Variants in PLPPR2 observed in about 807,000 individuals in gnomAD.
The protein encoded by PLPPR2 is phospholipid phosphatase related 2.
PLPPR2 carries 11 observed loss-of-function variants against 40.3 expected under a neutral mutation model. The observed-to-expected ratio is 0.27, with a 90% CI of 0.17 to 0.45. The LOEUF (loss-of-function observed/expected upper bound fraction) is 0.45. Among genes scored for constraint, PLPPR2 ranks in the 20% least tolerant of loss-of-function variants. The pLI is 1.00. For missense variants in PLPPR2, 497 were observed against 640.7 expected, an observed-to-expected ratio of 0.78 and a Z score of 2.42; for synonymous variants, 260 against 290.8, an observed-to-expected ratio of 0.89 and a Z score of 1.08.
Position 11,361,254 on chromosome 19 carries a change from C to T in PLPPR2, c.429C>T (p.Phe143=). The T allele has an allele frequency of 2.5e-6, 4 of 1,612,818 alleles. No homozygotes were observed. Among genetic ancestry groups the T allele is most frequent in the Non-Finnish European group, 3.4e-6 (4 of 1,179,886 alleles). The change falls in exon 6 of 10, where the codon TTC becomes TTT. Residue 143 remains phenylalanine, a synonymous_variant. Transcript: ENST00000688289. The surrounding 1 kb of genome is among the most constrained non-coding windows in gnomAD (Gnocchi z 6.3). Reference sequence around the variant, plus strand: ...TCGGCCTCTTCACCACGACCATCTTCGCCAACGCGGGGCAGGTGGTGACCG... The same window carrying T: ...TCGGCCTCTTCACCACGACCATCTTTGCCAACGCGGGGCAGGTGGTGACCG... The part of the protein sequence containing the change: ...YSFGLFTTTI[F]ANAGQVVTGN...
Position 11,362,329 on chromosome 19 carries a change from C to CGGGGGGGGGG in PLPPR2, c.664-184_664-183insGGGGGGGGGG. 1 of 576,862 alleles carries CGGGGGGGGGG rather than the reference C, an allele frequency of 1.7e-6. No individual in the cohort carries two copies. 35.7% of individuals were successfully genotyped at this position (576,862 alleles called of 1,614,324 possible). ...AGACCTCAATCCCTGACCCCCCCCC[C>CGGGGGGGGGG]TTTGCCTTTTTGGTCACGCTCCCTG... On this transcript the variant is annotated intron_variant, in intron 6 of 9. Transcript: ENST00000688289. This position sits in a 1 kb window ranked among gnomAD's most constrained non-coding sequence, Gnocchi z 5.3.
Position 11,363,616 on chromosome 19 carries a change from A to T in PLPPR2, c.841-97A>T. On this transcript the variant is annotated intron_variant, in intron 7 of 9. Transcript: ENST00000688289. The surrounding 1 kb of genome is among the most constrained non-coding windows in gnomAD (Gnocchi z 4.8). ...TGCATTAGCTGTTTTTGAAAACCGG[A>T]GCCTCACTTTCCTTATCTGAAAAAT... 7.1e-7 allele frequency: 1 copy of T among 1,400,832 alleles called. No homozygotes were observed. The highest frequency in any genetic ancestry group is 1.5e-5 in the South Asian group (1 of 66,634). The allele number at this position is 1,400,832 out of a possible 1,614,324, so 86.8% of individuals were successfully genotyped here. A position where few individuals can be genotyped will look rare whatever the true frequency, so the allele number is the denominator to read the frequency against.
chr19:11,359,500 C>T lies in PLPPR2; in HGVS notation c.67-32C>T, dbSNP rs77405021. The T allele has an allele frequency of 2.4e-3, 3,584 of 1,510,318 alleles. 43 individuals carry two copies. In the Admixed American group the frequency reaches 0.03, roughly 13 times the overall value. The allele number at this position is 1,510,318 out of a possible 1,614,324, so 93.6% of individuals were successfully genotyped here. On this transcript the variant is annotated intron_variant, in intron 3 of 9. Coordinates refer to ENST00000688289, the MANE Select transcript of PLPPR2 (RefSeq NM_001393892.1). The surrounding 1 kb of genome is among the most constrained non-coding windows in gnomAD (Gnocchi z 5.6). Reference sequence around the variant, plus strand: ...AGTCCTGACCTCTCTCTTCTCTCTCCGCCACCTCTCCCCGCCCTGGCTTGG... The same window carrying T: ...AGTCCTGACCTCTCTCTTCTCTCTCTGCCACCTCTCCCCGCCCTGGCTTGG...
At position 11,363,632 on chromosome 19, in the gene PLPPR2, T is replaced by C; in HGVS notation, c.841-81T>C. On this transcript the variant is annotated intron_variant, in intron 7 of 9. Transcript: ENST00000688289. This position sits in a 1 kb window ranked among gnomAD's most constrained non-coding sequence, Gnocchi z 4.8. ...GAAAACCGGAGCCTCACTTTCCTTA[T>C]CTGAAAAATGGGGATGGTATTTACA... 2.0e-6 allele frequency: 3 copies of C among 1,473,540 alleles called. No individual in the cohort carries two copies. The highest frequency in any genetic ancestry group is 2.7e-6 in the Non-Finnish European group (3 of 1,102,424). The allele number at this position is 1,473,540 out of a possible 1,614,324, so 91.3% of individuals were successfully genotyped here.
Position 11,364,551 on chromosome 19 carries a change from G to T in PLPPR2, c.1220G>T (p.Gly407Val). Reference protein sequence around the residue: ...SSPGPGGPGGGGGRGRKLLLP... With the variant: ...SSPGPGGPGGVGGRGRKLLLP... ...CCTGGACCTGGGGGGCCAGGCGGGG[G>T]TGGTGGACGTGGCCGGAAGCTGCTG... is the stretch of plus-strand genomic sequence containing the variant. Residue 407 changes from glycine (G) to valine (V), a missense_variant, in exon 10 of 10, where the codon GGT becomes GTT. Transcript: ENST00000688289. The surrounding 1 kb of genome is among the most constrained non-coding windows in gnomAD (Gnocchi z 5.8). 2.0e-6 allele frequency: 3 copies of T among 1,536,702 alleles called. No individual in the cohort carries two copies. In the South Asian group the frequency reaches 3.6e-5, roughly 18 times the overall value.
At chr19:11,360,218 C>G (rs1421133732) in intron 5 of PLPPR2, among the ~76,000 whole-genome samples, 1 of 151,490 alleles carries the variant, frequency 6.6e-6, no homozygotes, top group South Asian at 2.1e-4. Context: ...AATCCTTGAA[C>G]CCGGGAGGCA....
chr19:11,361,843 C>T lies in PLPPR2; in HGVS notation c.663+355C>T, dbSNP rs912647783. 6.6e-6 allele frequency among the ~76,000 whole-genome samples: 1 copy of T among 152,176 alleles called. No homozygotes were observed. Among genetic ancestry groups the T allele is most frequent in the African/African-American group, 2.4e-5 (1 of 41,446 alleles). On this transcript the variant is annotated intron_variant, in intron 6 of 9. Coordinates refer to ENST00000688289, the MANE Select transcript of PLPPR2 (RefSeq NM_001393892.1). This position sits in a 1 kb window ranked among gnomAD's most constrained non-coding sequence, Gnocchi z 6.3. ...CCAGGCCCCCAGGATGCTACAGGCG[C>T]TAGATATTAGCTGGCAGACTGGGCA... is the stretch of plus-strand genomic sequence containing the variant.
In PLPPR2 at chr19:11,362,536, C is replaced by T. The variant is rs779236403; in HGVS notation, c.687C>T (p.Arg229=). 4.3e-6 allele frequency: 7 copies of T among 1,611,140 alleles called. No individual in the cohort carries two copies. The highest frequency in any genetic ancestry group is 3.3e-5 in the Admixed American group (2 of 60,030). Residue 229 remains arginine, a synonymous_variant, in exon 7 of 10, where the codon CGC becomes CGT. Coordinates refer to ENST00000688289, the MANE Select transcript of PLPPR2 (RefSeq NM_001393892.1). This position sits in a 1 kb window ranked among gnomAD's most constrained non-coding sequence, Gnocchi z 5.3. ...AGATGTACGTGACTCTCGTGTTCCG[C>T]GTGAAGGGCTCCCGCCTGGTCAAAC... ...YTAMYVTLVF[R]VKGSRLVKPS...
rs1184254457 is a variant in PLPPR2 at position 11,364,908 on chromosome 19, A to G, written c.*218A>G. The G allele has an allele frequency of 5.0e-6, 3 of 603,360 alleles. No homozygotes were observed. The highest frequency in any genetic ancestry group is 5.7e-6 in the Non-Finnish European group (2 of 349,676). 37.4% of individuals were successfully genotyped at this position (603,360 alleles called of 1,614,324 possible). ...TGGAAGGTGCGCACTTGCCCCTACT[A>G]TTGCCCTTTTAAGGGCCAAAGCTTG... On this transcript the variant is annotated 3_prime_UTR_variant, in exon 10 of 10. Transcript: ENST00000688289. The surrounding 1 kb of genome is among the most constrained non-coding windows in gnomAD (Gnocchi z 5.8).
At position 11,359,449 on chromosome 19, in the gene PLPPR2, A is replaced by T; in HGVS notation, c.67-83A>T. 7.7e-7 allele frequency: 1 copy of T among 1,295,302 alleles called. No individual in the cohort carries two copies. The highest frequency in any genetic ancestry group is 1.0e-6 in the Non-Finnish European group (1 of 964,338). The allele number at this position is 1,295,302 out of a possible 1,614,324, so 80.2% of individuals were successfully genotyped here. ...CTAACCCATGTTTCTCCATCTCTGT[A>T]TCTCTGCCTCTGTGGCCTCAGCTGG... is the stretch of plus-strand genomic sequence containing the variant. On this transcript the variant is annotated intron_variant, in intron 3 of 9. Transcript: ENST00000688289. The surrounding 1 kb of genome is among the most constrained non-coding windows in gnomAD (Gnocchi z 5.6).
Position 11,357,662 on chromosome 19 carries a change from C to A in PLPPR2, c.-12C>A. On this transcript the variant is annotated splice_region_variant and 5_prime_UTR_variant, in exon 3 of 10. It adds an upstream start codon to the 5' untranslated region. Coordinates refer to ENST00000688289, the MANE Select transcript of PLPPR2 (RefSeq NM_001393892.1). ...CCACTCCCTCCCCACCTCTGCAGGC[C>A]TGGCCTTCACCATGGCGGGAGGGAG... 6.2e-7 allele frequency: 1 copy of A among 1,603,650 alleles called. No homozygotes were observed. Among genetic ancestry groups the A allele is most frequent in the Non-Finnish European group, 8.5e-7 (1 of 1,174,668 alleles).
intron 1 of PLPPR2, among the ~76,000 whole-genome samples, 167 bp downstream of exon 1, chr19:11,355,739 C>G (rs1967848126): frequency 1.3e-5 from 2 of 152,098 alleles, no homozygotes; most frequent in Non-Finnish European, 1.5e-5. Flanking sequence ...GGAGGGGACC[C>G]CGGGCCGAGG....
intron 3 of PLPPR2, among the ~76,000 whole-genome samples, chr19:11,358,639 C>T (rs971193918): frequency 1.3e-4 from 20 of 151,688 alleles, no homozygotes; most frequent in African/African-American, 4.8e-4. Flanking sequence ...CCTCTTCTCC[C>T]CTCCTTTCCT....
At position 11,364,720 on chromosome 19, in the gene PLPPR2, G is replaced by T; in HGVS notation, c.*30G>T. The T allele has an allele frequency of 6.5e-7, 1 of 1,536,572 alleles. No homozygotes were observed. The highest frequency in any genetic ancestry group is 8.7e-7 in the Non-Finnish European group (1 of 1,146,584). On this transcript the variant is annotated 3_prime_UTR_variant, in exon 10 of 10. Transcript: ENST00000688289. The surrounding 1 kb of genome is among the most constrained non-coding windows in gnomAD (Gnocchi z 5.8). ...CGACCACCCACCCAGAATCTGCCCAGTCCCCACTTCTTCCCTGCCACGCGT... is the reference window on the plus strand; with the variant it reads ...CGACCACCCACCCAGAATCTGCCCATTCCCCACTTCTTCCCTGCCACGCGT...
chr19:11,364,834 AG>A lies in PLPPR2; in HGVS notation c.*146del. The A allele has an allele frequency of 1.1e-6, 1 of 912,584 alleles. No homozygotes were observed. The highest frequency in any genetic ancestry group is 1.7e-6 in the Non-Finnish European group (1 of 603,804). 56.5% of individuals were successfully genotyped at this position (912,584 alleles called of 1,614,324 possible). ...TTAGAAGATGGCTAGAAGGACATTT[AG>A]GAGACATCTGCCTCTCTGGCCCTCT... On this transcript the variant is annotated 3_prime_UTR_variant, in exon 10 of 10. Coordinates refer to ENST00000688289, the MANE Select transcript of PLPPR2 (RefSeq NM_001393892.1). The surrounding 1 kb of genome is among the most constrained non-coding windows in gnomAD (Gnocchi z 5.8).
Position 11,355,526 on chromosome 19 carries a change from G to A in PLPPR2, c.-236G>A, listed in dbSNP as rs1480001769. 6.6e-6 allele frequency: 1 copy of A among 152,292 alleles called. No individual in the cohort carries two copies. The highest frequency in any genetic ancestry group is 1.5e-5 in the Non-Finnish European group (1 of 68,054). The allele number at this position is 152,292 out of a possible 1,614,324, so 9.4% of individuals were successfully genotyped here. ...CCGTCTGTCCATCCCGCCGCGCCGG[G>A]GCAGTCTAGGCGGAGCGGGGGCTCA... On this transcript the variant is annotated 5_prime_UTR_variant, in exon 1 of 10. Transcript: ENST00000688289.
Position 11,363,138 on chromosome 19 carries a change from A to C in PLPPR2, c.840+449A>C, listed in dbSNP as rs1968096671. The stretch of plus-strand genomic sequence containing the variant: ...GCCAAACCCTGTCCCTGCTAAAAAT[A>C]CAAAAATTAGCCAGGCATAGTAGTC... On this transcript the variant is annotated intron_variant, in intron 7 of 9. Coordinates refer to ENST00000688289, the MANE Select transcript of PLPPR2 (RefSeq NM_001393892.1). The surrounding 1 kb of genome is among the most constrained non-coding windows in gnomAD (Gnocchi z 4.8). Among the ~76,000 whole-genome samples the C allele has an allele frequency of 6.6e-6, 1 of 152,166 alleles. No individual in the cohort carries two copies. Among genetic ancestry groups the C allele is most frequent in the East Asian group, 1.9e-4 (1 of 5,198 alleles).
chr19:11,364,461 C>A lies in PLPPR2; in HGVS notation c.1130C>A (p.Thr377Lys), dbSNP rs1367976262. The A allele has an allele frequency of 2.0e-6, 3 of 1,508,456 alleles. No individual in the cohort carries two copies. Among genetic ancestry groups the A allele is most frequent in the East Asian group, 4.7e-5 (2 of 42,190 alleles). 93.4% of individuals were successfully genotyped at this position (1,508,456 alleles called of 1,614,324 possible). A position where few individuals can be genotyped will look rare whatever the true frequency, so the allele number is the denominator to read the frequency against. Residue 377 changes from threonine to lysine, a missense_variant, in exon 10 of 10, where the codon ACG becomes AAG. Coordinates refer to ENST00000688289, the MANE Select transcript of PLPPR2 (RefSeq NM_001393892.1). This position sits in a 1 kb window ranked among gnomAD's most constrained non-coding sequence, Gnocchi z 5.8. ...CGTCCTCGATTGAGGTCTGAGCCGA[C>A]GCCCTTGCCCCTGCCCCTACCCCTG... The part of the protein sequence containing the change: ...VPRPRLRSEP[T>K]PLPLPLPLPA...
chr19:11,362,985 T>G lies in PLPPR2; in HGVS notation c.840+296T>G, dbSNP rs541290851. On this transcript the variant is annotated intron_variant, in intron 7 of 9. Coordinates refer to ENST00000688289, the MANE Select transcript of PLPPR2 (RefSeq NM_001393892.1). This position sits in a 1 kb window ranked among gnomAD's most constrained non-coding sequence, Gnocchi z 5.3. ...CAAAACTATCATAATGTACAGAATA[T>G]AAAAATTCTAAATAAAGATGAATCA... Among the ~76,000 whole-genome samples, 2 of 152,076 alleles carry G rather than the reference T, an allele frequency of 1.3e-5. No individual in the cohort carries two copies. Among genetic ancestry groups the G allele is most frequent in the Non-Finnish European group, 2.9e-5 (2 of 68,028 alleles).
Sources: allele counts gnomAD v4.1 joint callset (sites outside exome capture counted in the v4.1 genomes callset), GRCh38; gene constraint gnomAD v4.1.1; non-coding constraint Gnocchi (gnomAD v3.1); transcripts MANE v1.5; gene names NCBI Gene and HGNC (gene_info 2026-07-23, HGNC 2026-07-21).